Variants in DCAF5 observed in about 807,000 individuals in gnomAD.
DCAF5 encodes DDB1 and CUL4 associated factor 5.
In DCAF5, 9 loss-of-function variants were observed where a neutral mutation model predicts 80.7. That is an observed-to-expected ratio of 0.11 (90% confidence interval 0.07 to 0.19). DCAF5 has a LOEUF of 0.19. Among genes scored for constraint, DCAF5 ranks in the 10% least tolerant of loss-of-function variants. The pLI is 1.00. For synonymous variants in DCAF5, 433 were observed against 461.9 expected (o/e 0.94, Z 0.80); for missense variants, 842 against 1,205.7 (o/e 0.70, Z 4.47).
chr14:69,122,446 T>C, intron 1 of DCAF5, 86 bp from the exon 2 acceptor site: 11 of 1,445,590 alleles, frequency 7.6e-6, no homozygotes, highest in Non-Finnish European at 1.0e-5. Context: ...ATCCCATCCT[T>C]TCCAAAACTG....
intron 6 of DCAF5, chr14:69,084,286 C>T: frequency 1.0e-6 from 1 of 968,410 alleles, no homozygotes. Context: ...ATGGGATCAA[C>T]ATCACTGTGG....
chr14:69,078,807 A>T (rs144212669), intron 6 of DCAF5, among the ~76,000 whole-genome samples: 5 of 152,218 alleles, frequency 3.3e-5, no homozygotes, highest in Admixed American at 1.3e-4. Context: ...ATGAAGAAGA[A>T]GTTCTAGAGA....
chr14:69,119,124 A>G, intron 3 of DCAF5, 70 bp downstream of exon 3: 1 of 1,506,684 alleles, frequency 6.6e-7, no homozygotes, highest in Non-Finnish European at 9.0e-7. Flanking sequence ...ATTTTAGTCT[A>G]AAGAGATATT....
rs1178923489 is a variant in DCAF5, at chr14:69,051,843, ACT to A, written c.*2012_*2013del. The A allele has an allele frequency of 6.5e-6, 1 of 152,674 alleles. No individual in the cohort carries two copies. Among genetic ancestry groups the A allele is most frequent in the Non-Finnish European group, 1.5e-5 (1 of 68,050 alleles). 9.5% of individuals were successfully genotyped at this position (152,674 alleles called of 1,614,324 possible). ...ACTAAGAAGGGGAAGAGAAACACACACTGAGTGATCGTATTTTTTTTGTATAT... is the reference window on the plus strand; with the variant it reads ...ACTAAGAAGGGGAAGAGAAACACACAGAGTGATCGTATTTTTTTTGTATAT... On this transcript the variant is annotated 3_prime_UTR_variant, in exon 9 of 9. Transcript: ENST00000341516.
intron 5 of DCAF5, among the ~76,000 whole-genome samples, chr14:69,101,537 C>G: frequency 6.6e-6 from 1 of 152,078 alleles, no homozygotes; most frequent in East Asian, 1.9e-4. Flanking sequence ...CCTAAGCTGA[C>G]GCAACAGAGA....
intron 5 of DCAF5, among the ~76,000 whole-genome samples, chr14:69,104,868 A>G (rs2040081681): frequency 6.6e-6 from 1 of 152,056 alleles, no homozygotes; most frequent in Admixed American, 6.6e-5. Flanking sequence ...TAAAAAAAAA[A>G]AAAGTGAGAG....
intron 1 of DCAF5, among the ~76,000 whole-genome samples, chr14:69,138,989 TA>T (rs1261837576): frequency 1.3e-5 from 2 of 151,364 alleles, no homozygotes; most frequent in Non-Finnish European, 2.9e-5. Context: ...TTAGAAAAAA[TA>T]AATTTAAAAA....
intron 1 of DCAF5, among the ~76,000 whole-genome samples, chr14:69,149,162 G>C (rs531970710): frequency 7.9e-5 from 12 of 152,286 alleles, no homozygotes; most frequent in Non-Finnish European, 1.2e-4. Flanking sequence ...AGCCCCTCAG[G>C]TAGGTGCCAA....
At position 69,053,443 on chromosome 14, in the gene DCAF5, A is replaced by G. The variant is rs190626408; in HGVS notation, c.*414T>C. The stretch of plus-strand genomic sequence containing the variant: ...ACCTATGGCATGTAAACAGGGTGAG[A>G]TGGCAAAAAGTACAAATTCATAGGT... On this transcript the variant is annotated 3_prime_UTR_variant, in exon 9 of 9. Transcript: ENST00000341516. 4.3e-5 allele frequency: 7 copies of G among 164,234 alleles called. No individual in the cohort carries two copies. The highest frequency in any genetic ancestry group is 1.2e-4 in the African/African-American group (5 of 41,728). The allele number at this position is 164,234 out of a possible 1,614,324, so 10.2% of individuals were successfully genotyped here.
At chr14:69,134,222 T>C (rs952193135) in intron 1 of DCAF5, among the ~76,000 whole-genome samples, 2 of 152,180 alleles carry the variant, frequency 1.3e-5, no homozygotes, top group Non-Finnish European at 2.9e-5. Context: ...CTGCTCTTCC[T>C]AAAGTGTGGA....
At chr14:69,132,246 T>C (rs2041064390) in intron 1 of DCAF5, among the ~76,000 whole-genome samples, 1 of 152,236 alleles carries the variant, frequency 6.6e-6, no homozygotes, top group Non-Finnish European at 1.5e-5. Flanking sequence ...TGCCCCATTT[T>C]ATATTCTCAC....
chr14:69,080,508 C>T (rs1222145340), intron 6 of DCAF5, among the ~76,000 whole-genome samples: 2 of 152,194 alleles, frequency 1.3e-5, no homozygotes, highest in East Asian at 1.9e-4. Flanking sequence ...CTGAACTTCA[C>T]CTCAAGTAGT....
At chr14:69,081,630 T>G (rs894324546) in intron 6 of DCAF5, among the ~76,000 whole-genome samples, 15 of 152,096 alleles carry the variant, frequency 9.9e-5, no homozygotes, top group African/African-American at 3.6e-4. Flanking sequence ...TCAATAGATT[T>G]CAGGAAGGAA....
chr14:69,109,217 G>C (rs563267470), intron 5 of DCAF5, among the ~76,000 whole-genome samples: 1 of 151,726 alleles, frequency 6.6e-6, no homozygotes, highest in African/African-American at 2.4e-5. Context: ...GGTGGCGGGC[G>C]CCTGTAGTCC....
rs2037883618 is a variant in DCAF5 at position 69,054,659 on chromosome 14, T to G, written c.2027A>C (p.Asn676Thr). 2 of 1,614,164 alleles carry G rather than the reference T, an allele frequency of 1.2e-6. No individual in the cohort carries two copies. The highest frequency in any genetic ancestry group is 1.7e-6 in the Non-Finnish European group (2 of 1,180,018). ...WLRYSYISYS[N>T]NKDGETSLVT... is the part of the protein sequence containing the mutation. ...CAAGGAGGTCTCTCCATCTTTGTTA[T>G]TTGAGTAGGAGATATAAGAGTAGCG... The change falls in exon 9 of 9, where the codon AAT becomes ACT. Residue 676 changes from asparagine (N) to threonine (T), a missense_variant. By Grantham distance (65) the Asn-to-Thr change is moderately conservative. Around this residue, in one of 5 missense-constraint regions of DCAF5, gnomAD observed 607 missense variants for 656.6 expected, o/e 0.92. Transcript: ENST00000341516.
In DCAF5 at chr14:69,053,633, TA is replaced by T. The variant is rs2037831781; in HGVS notation, c.*223del. On this transcript the variant is annotated 3_prime_UTR_variant, in exon 9 of 9. Coordinates refer to ENST00000341516, the MANE Select transcript of DCAF5 (RefSeq NM_003861.3). Reference sequence around the variant, plus strand: ...CTCACTAGAAAGGAGTCACTTGGGTTATTTTTTTTTCCCCTTTCTTAACACA... The same window carrying T: ...CTCACTAGAAAGGAGTCACTTGGGTTTTTTTTTTTCCCCTTTCTTAACACA... 1 of 488,520 alleles carries T rather than the reference TA, an allele frequency of 2.0e-6. No individual in the cohort carries two copies. Among genetic ancestry groups the T allele is most frequent in the South Asian group, 2.7e-5 (1 of 36,470 alleles). The allele number at this position is 488,520 out of a possible 1,614,324, so 30.3% of individuals were successfully genotyped here. A position where few individuals can be genotyped will look rare whatever the true frequency, so the allele number is the denominator to read the frequency against.
At chr14:69,136,113 C>CTTTTTTT (rs35359938) in intron 1 of DCAF5, among the ~76,000 whole-genome samples, 2 of 125,312 alleles carry the variant, frequency 1.6e-5, no homozygotes, top group Non-Finnish European at 3.2e-5. Flanking sequence ...ATGTGTAAAA[C>CTTTTTTT]TTTTTTTTTT....
intron 6 of DCAF5, among the ~76,000 whole-genome samples, chr14:69,078,416 A>G (rs1056297219): frequency 5.9e-5 from 9 of 152,270 alleles, no homozygotes; most frequent in African/African-American, 2.2e-4. Context: ...AATTAAAGAT[A>G]GAATTATCAT....
chr14:69,093,934 T>C (rs1052300046), intron 5 of DCAF5, among the ~76,000 whole-genome samples: 3 of 152,312 alleles, frequency 2.0e-5, no homozygotes, highest in Non-Finnish European at 4.4e-5. Flanking sequence ...CACACTCTCT[T>C]GCATACAGAA....
Sources: allele counts gnomAD v4.1 joint callset (sites outside exome capture counted in the v4.1 genomes callset), GRCh38; gene constraint gnomAD v4.1.1; regional missense constraint gnomAD v4.1.1; transcripts MANE v1.5; gene names NCBI Gene and HGNC (gene_info 2026-07-23, HGNC 2026-07-21).